Variants in RGS13 observed in about 807,000 individuals in gnomAD.
RGS13 encodes regulator of G-protein signalling 13.
A neutral mutation model predicts 19.9 loss-of-function variants in RGS13; 14 were observed. The observed-to-expected ratio is 0.70, with a 90% CI of 0.46 to 1.10. The LOEUF (loss-of-function observed/expected upper bound fraction) is 1.10. RGS13 is among the 50% of genes least tolerant of loss of function. The pLI is 0.00. For missense variants in RGS13, 205 were observed against 187.1 expected, an observed-to-expected ratio of 1.10 and a Z score of -0.56; for synonymous variants, 60 against 56.8, an observed-to-expected ratio of 1.06 and a Z score of -0.25.
Position 192,658,242 on chromosome 1 carries a change from A to G in RGS13, c.169A>G (p.Ser57Gly). The G allele has an allele frequency of 1.2e-6, 2 of 1,613,482 alleles. No individual in the cohort carries two copies. The highest frequency in any genetic ancestry group is 1.7e-6 in the Non-Finnish European group (2 of 1,179,608). Reference protein sequence around the residue: ...VYAAYLKMEHSDENIQFWMAC... With the variant: ...VYAAYLKMEHGDENIQFWMAC... The stretch of plus-strand genomic sequence containing the variant: ...TGCAGCATATTTAAAAATGGAGCAC[A>G]GTGACGAGAATATTCAATTCTGGAT... The change falls in exon 6 of 7, where the codon AGT (serine) becomes GGT (glycine). Residue 57 changes from serine (S) to glycine (G), a missense_variant. By Grantham distance (56) the Ser-to-Gly change is moderately conservative (BLOSUM62 0). Transcript: ENST00000391995.
rs1663176896 is a variant in RGS13, at chr1:192,644,265, AACTG to A, written c.-4-61_-4-58del. 4.3e-6 allele frequency: 5 copies of A among 1,163,386 alleles called. No individual in the cohort carries two copies. The South Asian group carries it at 4.6e-5, about 11-fold the overall frequency. 72.1% of individuals were successfully genotyped at this position (1,163,386 alleles called of 1,614,324 possible). On this transcript the variant is annotated intron_variant, in intron 3 of 6. Transcript: ENST00000391995. Reference sequence around the variant, plus strand: ...TTTATAATATTGTATGTTCCTTAGAAACTGACTGTAACATACAATTATTTTAAAT... The same window carrying A: ...TTTATAATATTGTATGTTCCTTAGAAACTGTAACATACAATTATTTTAAAT...
Position 192,658,367 on chromosome 1 carries a change from G to T in RGS13, c.294G>T (p.Glu98Asp). The change falls in exon 6 of 7, where the codon GAG becomes GAT. Residue 98 changes from glutamate (E) to aspartate (D), a missense_variant and splice_region_variant. Physicochemically the swap from Glu to Asp is conservative, Grantham distance 45. Coordinates refer to ENST00000391995, the MANE Select transcript of RGS13 (RefSeq NM_002927.5). ...KIYIQPQSPREINIDSSTRET... is the reference protein window; with the variant it reads ...KIYIQPQSPRDINIDSSTRET... ...ACATCCAGCCACAGTCCCCTAGAGAGGTAACTACCTGACAATGACAGGAAT... is the reference window on the plus strand; with the variant it reads ...ACATCCAGCCACAGTCCCCTAGAGATGTAACTACCTGACAATGACAGGAAT... The T allele has an allele frequency of 1.2e-6, 2 of 1,607,668 alleles. No individual in the cohort carries two copies. Among genetic ancestry groups the T allele is most frequent in the Non-Finnish European group, 1.7e-6 (2 of 1,177,644 alleles).
At chr1:192,646,027 G>A (rs1663214826) in intron 4 of RGS13, 1 of 152,116 alleles carries the variant, frequency 6.6e-6, no homozygotes, top group South Asian at 2.1e-4. Context: ...CATTTCACCA[G>A]ATTGAAAAGG....
intron 3 of RGS13, among the ~76,000 whole-genome samples, chr1:192,639,357 C>A (rs571012548): frequency 7.3e-4 from 31 of 42,726 alleles, no homozygotes; most frequent in African/African-American, 2.6e-3. Flanking sequence ...GCAGCCCCAA[C>A]CATCTGGGTG....
At chr1:192,638,519 G>T (rs1015086705) in intron 3 of RGS13, among the ~76,000 whole-genome samples, 1 of 152,060 alleles carries the variant, frequency 6.6e-6, no homozygotes, top group African/African-American at 2.4e-5. Context: ...TACATGGTAC[G>T]TGTGAATCCA....
At chr1:192,644,185 A>G in intron 3 of RGS13, 146 bp from the exon 4 acceptor site, 1 of 476,670 alleles carries the variant, frequency 2.1e-6, no homozygotes, top group Non-Finnish European at 3.7e-6. Flanking sequence ...TCTCCTCCCA[A>G]CTCCCCCAGT....
chr1:192,653,689 AAGAATGATAC>A (rs1663384235), intron 5 of RGS13, among the ~76,000 whole-genome samples: 2 of 152,110 alleles, frequency 1.3e-5, no homozygotes, highest in Non-Finnish European at 2.9e-5. Context: ...ATGAAAGAAT[AAGAATGATAC>A]AAAATTGCTT....
chr1:192,638,326 A>G (rs546463911), intron 3 of RGS13, 123 bp downstream of exon 3: 1 of 151,968 alleles, frequency 6.6e-6, no homozygotes, highest in Non-Finnish European at 1.5e-5. Flanking sequence ...TAAGCCGTAC[A>G]TGTTCCTTTA....
chr1:192,656,662 C>T (rs575826430), intron 5 of RGS13, among the ~76,000 whole-genome samples: 4 of 151,960 alleles, frequency 2.6e-5, no homozygotes, highest in Admixed American at 1.3e-4. Context: ...CTTGTTGAAC[C>T]GTATCCCATG....
chr1:192,636,371 A>G (rs1407172140), intron 1 of RGS13, 54 bp downstream of exon 1: 1 of 152,078 alleles, frequency 6.6e-6, no homozygotes, highest in East Asian at 1.9e-4. Flanking sequence ...TTGGCTTGCT[A>G]TAAATCACTA....
intron 3 of RGS13, among the ~76,000 whole-genome samples, chr1:192,641,343 GAA>G (rs946092848): frequency 4.0e-5 from 6 of 150,628 alleles, no homozygotes; most frequent in African/African-American, 9.8e-5. Context: ...AGGAAGGAGA[GAA>G]AGAAAGAGAG....
chr1:192,652,977 T>C (rs1260424786), intron 5 of RGS13, among the ~76,000 whole-genome samples: 1 of 152,086 alleles, frequency 6.6e-6, no homozygotes, highest in Non-Finnish European at 1.5e-5. Context: ...AGATTTTTGC[T>C]TTAAAGATTT....
At chr1:192,639,038 T>C (rs1663060238) in intron 3 of RGS13, among the ~76,000 whole-genome samples, 1 of 152,154 alleles carries the variant, frequency 6.6e-6, no homozygotes, top group Non-Finnish European at 1.5e-5. Context: ...GTCACCTAAC[T>C]AATAAGTTGC....
At chr1:192,654,455 C>A (rs1252218551) in intron 5 of RGS13, among the ~76,000 whole-genome samples, 1 of 151,576 alleles carries the variant, frequency 6.6e-6, no homozygotes, top group Non-Finnish European at 1.5e-5. Context: ...GAAGAAAAAT[C>A]AGAAATTATT....
At chr1:192,638,612 G>T (rs1663053228) in intron 3 of RGS13, among the ~76,000 whole-genome samples, 1 of 152,004 alleles carries the variant, frequency 6.6e-6, no homozygotes, top group African/African-American at 2.4e-5. Flanking sequence ...GAAGGCACCA[G>T]GCTCCAGGCA....
At chr1:192,651,779 A>G (rs1663343384) in intron 5 of RGS13, among the ~76,000 whole-genome samples, 1 of 152,102 alleles carries the variant, frequency 6.6e-6, no homozygotes, top group Non-Finnish European at 1.5e-5. Context: ...CTGTGCTCTC[A>G]GTGAAGTTTG....
intron 5 of RGS13, among the ~76,000 whole-genome samples, chr1:192,648,521 A>T (rs1663260271): frequency 6.6e-6 from 1 of 152,154 alleles, no homozygotes; most frequent in Non-Finnish European, 1.5e-5. Context: ...CAGTGCAGGA[A>T]AAATAAAGGA....
intron 3 of RGS13, 107 bp from the exon 4 acceptor site, chr1:192,644,224 A>G (rs1663175140): frequency 1.3e-6 from 1 of 753,866 alleles, no homozygotes; most frequent in Non-Finnish European, 2.1e-6. Flanking sequence ...TCAAGAGCCC[A>G]TCTTTTTTTT....
intron 1 of RGS13, 74 bp from the exon 2 acceptor site, chr1:192,637,516 C>G (rs1311094864): frequency 6.6e-6 from 1 of 151,848 alleles, no homozygotes; most frequent in Non-Finnish European, 1.5e-5. Context: ...TAATCTTTGC[C>G]AAATATGCAT....
Sources: gnomAD v4.1 joint callset for allele counts (sites outside exome capture counted in the v4.1 genomes callset) on GRCh38, gnomAD v4.1.1 for gene constraint, MANE v1.5 for transcripts, NCBI Gene and HGNC (gene_info 2026-07-23, HGNC 2026-07-21) for gene names.